BRINP1: variants seen among roughly 807,000 people sequenced by gnomAD.
BRINP1 encodes the protein BMP/retinoic acid-inducible neural-specific protein 1.
In BRINP1, 17 loss-of-function variants were observed where a neutral mutation model predicts 72.9. That is an observed-to-expected ratio of 0.23 (90% CI 0.16 to 0.35). The LOEUF is 0.35. Among genes scored for constraint, BRINP1 ranks in the 10% least tolerant of loss-of-function variants. The probability of loss-of-function intolerance (pLI) is 1.00; values close to 1 mark genes in which losing one functional copy is unlikely to be tolerated. For missense variants in BRINP1, 850 were observed against 1,001.6 expected, an observed-to-expected ratio of 0.85 and a Z score of 2.04; for synonymous variants, 418 against 378.5, an observed-to-expected ratio of 1.10 and a Z score of -1.21.
intron 2 of BRINP1, among the ~76,000 whole-genome samples, chr9:119,251,373 G>T (rs1830386211): frequency 6.6e-6 from 1 of 152,160 alleles, no homozygotes; most frequent in Admixed American, 6.5e-5. Flanking sequence ...GGCCTCTAGG[G>T]AAAGCTTCAG....
intron 1 of BRINP1, among the ~76,000 whole-genome samples, chr9:119,324,726 TATAC>T (rs1299486526): frequency 2.6e-5 from 4 of 152,322 alleles, no homozygotes; most frequent in African/African-American, 9.6e-5. Context: ...AAATAATTTA[TATAC>T]ATACATTCAT....
At chr9:119,270,259 G>A (rs1336836343) in intron 2 of BRINP1, among the ~76,000 whole-genome samples, 1 of 152,176 alleles carries the variant, frequency 6.6e-6, no homozygotes, top group East Asian at 1.9e-4. Context: ...CTGTAAAGAT[G>A]TTGGGTTTTG....
chr9:119,346,122 C>T (rs562635208), intron 1 of BRINP1, among the ~76,000 whole-genome samples: 1 of 152,222 alleles, frequency 6.6e-6, no homozygotes, highest in South Asian at 2.1e-4. Context: ...GTGCATCAAA[C>T]AGGCCAGAAT....
intron 1 of BRINP1, among the ~76,000 whole-genome samples, chr9:119,367,056 G>T (rs962485081): frequency 6.6e-6 from 1 of 151,750 alleles, no homozygotes; most frequent in African/African-American, 2.4e-5. Context: ...CTGTGGCTAT[G>T]TGAAGGCTTC....
In BRINP1 at chr9:119,188,322, G is replaced by A. The variant is rs142015763; in HGVS notation, c.1146-20098C>T. ...GATTTTAAAAGGCCAGGAAATAATA[G>A]GATGATACAGTTAAAGTGCTGAAAG... On this transcript the variant is annotated intron_variant, in intron 7 of 7. Coordinates refer to ENST00000265922, the MANE Select transcript of BRINP1 (RefSeq NM_014618.3). Among the ~76,000 whole-genome samples, 734 of 152,012 alleles carry A rather than the reference G, an allele frequency of 4.8e-3. 2 individuals are homozygous for A. The highest frequency in any genetic ancestry group is 6.7e-3 in the Non-Finnish European group (455 of 67,976).
intron 7 of BRINP1, among the ~76,000 whole-genome samples, chr9:119,204,270 G>C (rs1269992941): frequency 1.3e-5 from 2 of 152,146 alleles, no homozygotes; most frequent in Admixed American, 6.5e-5. Context: ...ATTCATAATA[G>C]ATAATAACAT....
chr9:119,223,943 T>C (rs1830065971), intron 5 of BRINP1, among the ~76,000 whole-genome samples: 1 of 149,284 alleles, frequency 6.7e-6, no homozygotes, highest in Non-Finnish European at 1.5e-5. Flanking sequence ...TCCATTGCTA[T>C]AGATTATGAT....
At chr9:119,202,999 G>C (rs1401002739) in intron 7 of BRINP1, among the ~76,000 whole-genome samples, 1 of 152,112 alleles carries the variant, frequency 6.6e-6, no homozygotes, top group Non-Finnish European at 1.5e-5. Context: ...GGGCTTGAGA[G>C]TTAATTCAGG....
At chr9:119,240,105 C>T (rs28444945) in intron 4 of BRINP1, among the ~76,000 whole-genome samples, 35,034 of 151,900 alleles carry the variant, frequency 0.23, 4,059 homozygotes, top group African/African-American at 0.26. Context: ...CCTATCTCTA[C>T]TAAAAATACA....
chr9:119,168,237 G>T lies in BRINP1; in HGVS notation c.1146-13C>A. On this transcript the variant is annotated splice_polypyrimidine_tract_variant and intron_variant, in intron 7 of 7. Transcript: ENST00000265922. ...CTGCTGAATTGTCCTGGGAGATAAA[G>T]GAAAATTGGAGAAGGTTAGCTACCA... 1 of 1,489,744 alleles carries T rather than the reference G, an allele frequency of 6.7e-7. No homozygotes were observed. The allele number at this position is 1,489,744 out of a possible 1,614,324, so 92.3% of individuals were successfully genotyped here.
rs769517607 is a variant in BRINP1, at chr9:119,249,077, T to C, written c.292A>G (p.Met98Val). 2 of 1,614,076 alleles carry C rather than the reference T, an allele frequency of 1.2e-6. No homozygotes were observed. Among genetic ancestry groups the C allele is most frequent in the East Asian group, 2.2e-5 (1 of 44,874 alleles). Residue 98 changes from methionine (M) to valine (V), a missense_variant, in exon 3 of 8, where the codon ATG (methionine) becomes GTG (valine). Coordinates refer to ENST00000265922, the MANE Select transcript of BRINP1 (RefSeq NM_014618.3). ...CGGATGCTCCTTTGAAACTCCGGCA[T>C]GAGGGGCACTGGATGGCGGACCAGA... ...RDLVRHPVPL[M>V]PEFQRSIRLL... is the part of the protein sequence containing the mutation.
chr9:119,261,000 AATT>A (rs1431332747), intron 2 of BRINP1, among the ~76,000 whole-genome samples: 1 of 152,156 alleles, frequency 6.6e-6, no homozygotes, highest in East Asian at 1.9e-4. Flanking sequence ...AATTGACAGC[AATT>A]ATTAAATAAT....
At chr9:119,204,704 T>A (rs191225936) in intron 7 of BRINP1, among the ~76,000 whole-genome samples, 2 of 152,358 alleles carry the variant, frequency 1.3e-5, no homozygotes, top group East Asian at 3.9e-4. Context: ...ATTCAGGCAC[T>A]TTACCAAGGT....
At chr9:119,315,253 T>C (rs1831113483) in intron 1 of BRINP1, among the ~76,000 whole-genome samples, 1 of 152,138 alleles carries the variant, frequency 6.6e-6, no homozygotes, top group South Asian at 2.1e-4. Flanking sequence ...GCCAGTCTGT[T>C]AACACCAATT....
intron 5 of BRINP1, among the ~76,000 whole-genome samples, chr9:119,235,365 C>A (rs1176651544): frequency 6.6e-6 from 1 of 152,114 alleles, no homozygotes; most frequent in Non-Finnish European, 1.5e-5. Flanking sequence ...TTTCTTATTT[C>A]TTTGAATACC....
chr9:119,328,986 GA>G (rs1173466565), intron 1 of BRINP1, among the ~76,000 whole-genome samples: 2 of 152,152 alleles, frequency 1.3e-5, no homozygotes, highest in Non-Finnish European at 2.9e-5. Context: ...GAAATGTAAA[GA>G]ATAAGAAAAG....
chr9:119,301,108 T>C (rs570279394), intron 2 of BRINP1, among the ~76,000 whole-genome samples: 4 of 152,340 alleles, frequency 2.6e-5, no homozygotes, highest in African/African-American at 9.6e-5. Context: ...CTACTAAGTC[T>C]CTATTTGAAT....
At chr9:119,239,251 C>T (rs1588173904) in intron 4 of BRINP1, among the ~76,000 whole-genome samples, 1 of 152,064 alleles carries the variant, frequency 6.6e-6, no homozygotes. Context: ...ATAATGGGTA[C>T]CTTATTACAA....
rs147799051 is a variant in BRINP1 at position 119,235,730 on chromosome 9, G to A, written c.685+2925C>T. On this transcript the variant is annotated intron_variant, in intron 5 of 7. Coordinates refer to ENST00000265922, the MANE Select transcript of BRINP1 (RefSeq NM_014618.3). ...ACTGATTTATGATTATATGCCTGGG[G>A]TCTAGTATTGGCTTTGGCATGTAGT... Among the ~76,000 whole-genome samples, 747 of 152,052 alleles carry A rather than the reference G, an allele frequency of 4.9e-3. 15 individuals are homozygous for A. In the East Asian group the frequency reaches 0.076, roughly 16 times the overall value.
Sources: allele counts gnomAD v4.1 joint callset (sites outside exome capture counted in the v4.1 genomes callset), GRCh38; gene constraint gnomAD v4.1.1; transcripts MANE v1.5; gene names NCBI Gene and HGNC (gene_info 2026-07-23, HGNC 2026-07-21).